The following STAU2 variants were observed in gnomAD, a reference collection of about 807,000 sequenced individuals.
The protein encoded by STAU2 is double-stranded RNA-binding protein Staufen homolog 2.
STAU2 carries 20 observed loss-of-function variants against 65.9 expected under a neutral mutation model. The observed-to-expected ratio is 0.30, with a 90% CI of 0.21 to 0.44. STAU2 has a LOEUF of 0.44. Ranked by LOEUF, STAU2 falls within the 20% of genes least tolerant of loss-of-function variation. STAU2 has a pLI of 1.00. For synonymous variants in STAU2, 232 were observed against 233.9 expected (o/e 0.99, Z 0.07); for missense variants, 558 against 683.9 (o/e 0.82, Z 2.05).
chr8:73,739,884 T>C lies in STAU2; in HGVS notation c.-196-16A>G. Reference sequence around the variant, plus strand: ...TAGGCAGCCTCTAACAAATAGAATATAGCAGAAATAATGAGATACCACTTC... The same window carrying C: ...TAGGCAGCCTCTAACAAATAGAATACAGCAGAAATAATGAGATACCACTTC... On this transcript the variant is annotated splice_polypyrimidine_tract_variant and intron_variant, in intron 1 of 14. Transcript: ENST00000524300. 1 of 892,218 alleles carries C rather than the reference T, an allele frequency of 1.1e-6. No homozygotes were observed. The highest frequency in any genetic ancestry group is 1.8e-6 in the Non-Finnish European group (1 of 563,470). 55.3% of individuals were successfully genotyped at this position (892,218 alleles called of 1,614,324 possible).
chr8:73,690,389 A>G (rs573870175), intron 4 of STAU2, among the ~76,000 whole-genome samples: 1 of 152,000 alleles, frequency 6.6e-6, no homozygotes, highest in East Asian at 1.9e-4. Context: ...AATACCATGC[A>G]TGATCCTTCA....
chr8:73,432,741 C>T (rs983163387), intron 13 of STAU2, among the ~76,000 whole-genome samples: 14 of 152,114 alleles, frequency 9.2e-5, no homozygotes, highest in African/African-American at 3.4e-4. Flanking sequence ...ACTTTTTATT[C>T]ATGCTTCCAC....
chr8:73,615,584 G>C, intron 8 of STAU2, 91 bp downstream of exon 8: 1 of 905,488 alleles, frequency 1.1e-6, no homozygotes, highest in South Asian at 1.5e-5. Context: ...ACTAACTCTT[G>C]CAGGATACTA....
intron 12 of STAU2, among the ~76,000 whole-genome samples, chr8:73,573,533 G>T (rs1201959172): frequency 1.3e-5 from 2 of 152,088 alleles, no homozygotes; most frequent in African/African-American, 2.4e-5. Context: ...CAAAACAGCA[G>T]CGTACTGGTA....
intron 6 of STAU2, 49 bp from the exon 7 acceptor site, chr8:73,617,500 T>TATA (rs776875551): frequency 6.6e-7 from 1 of 1,526,682 alleles, no homozygotes; most frequent in African/African-American, 1.4e-5. Flanking sequence ...AAAACCACTC[T>TATA]ATAATCATTC....
intron 6 of STAU2, among the ~76,000 whole-genome samples, chr8:73,672,612 C>T (rs553834917): frequency 6.6e-6 from 1 of 151,250 alleles, no homozygotes; most frequent in South Asian, 2.1e-4. Context: ...TATTTAAATG[C>T]AAAGAAAAAA....
intron 3 of STAU2, among the ~76,000 whole-genome samples, chr8:73,711,413 AT>A (rs1413165516): frequency 6.6e-6 from 1 of 152,144 alleles, no homozygotes; most frequent in Non-Finnish European, 1.5e-5. Context: ...CAAAAGCAGA[AT>A]AATTGGTTAA....
At chr8:73,506,281 G>A (rs1035319915) in intron 13 of STAU2, among the ~76,000 whole-genome samples, 3 of 152,048 alleles carry the variant, frequency 2.0e-5, no homozygotes, top group Non-Finnish European at 4.4e-5. Flanking sequence ...GCAGTGAGCC[G>A]TTGCTCCTAA....
intron 13 of STAU2, chr8:73,550,169 G>A: frequency 1.0e-6 from 1 of 985,202 alleles, no homozygotes; most frequent in South Asian, 4.7e-5. Context: ...AAAATCACCT[G>A]TTTATATTCA....
rs1359455688 is a variant in STAU2 at position 73,422,720 on chromosome 8, CAG to C, written c.1531-20_1531-19del. The C allele has an allele frequency of 7.1e-7, 1 of 1,407,358 alleles. No homozygotes were observed. Among genetic ancestry groups the C allele is most frequent in the Non-Finnish European group, 9.3e-7 (1 of 1,072,978 alleles). 87.2% of individuals were successfully genotyped at this position (1,407,358 alleles called of 1,614,324 possible). A position where few individuals can be genotyped will look rare whatever the true frequency, so the allele number is the denominator to read the frequency against. On this transcript the variant is annotated intron_variant, in intron 13 of 14. Transcript: ENST00000524300. ...AAGGCTGCCTAAAAATGAAAACAAA[CAG>C]AGAGAGCCATTCACTGACTCTAGTG...
At chr8:73,543,641 A>G (rs1806701730) in intron 13 of STAU2, among the ~76,000 whole-genome samples, 1 of 152,120 alleles carries the variant, frequency 6.6e-6, no homozygotes, top group African/African-American at 2.4e-5. Flanking sequence ...CCACACTACC[A>G]TTCTGATGTT....
chr8:73,495,606 C>G (rs1169771441), intron 13 of STAU2, among the ~76,000 whole-genome samples: 1 of 146,182 alleles, frequency 6.8e-6, no homozygotes, highest in Non-Finnish European at 1.5e-5. Context: ...CCACATTTAA[C>G]TATATGGTCC....
At chr8:73,745,420 T>C (rs1482553186) in intron 1 of STAU2, among the ~76,000 whole-genome samples, 1 of 152,148 alleles carries the variant, frequency 6.6e-6, no homozygotes, top group African/African-American at 2.4e-5. Context: ...GGGGAAGAAA[T>C]ATCCTGGAGA....
chr8:73,687,007 C>T (rs1291530087), intron 5 of STAU2, among the ~76,000 whole-genome samples: 4 of 149,938 alleles, frequency 2.7e-5, no homozygotes, highest in African/African-American at 9.8e-5. Context: ...ATTCTCCTGC[C>T]TCAACCTCCT....
intron 6 of STAU2, among the ~76,000 whole-genome samples, chr8:73,625,459 T>C (rs749341254): frequency 6.6e-6 from 1 of 152,186 alleles, no homozygotes; most frequent in Non-Finnish European, 1.5e-5. Context: ...CAAAAGAGTA[T>C]ATACTCTATG....
chr8:73,685,381 C>CT lies in STAU2; in HGVS notation c.274+3272dup, dbSNP rs1291568249. ...TGGTGAAAAGAAACACTTTTTTTTTCTTTTTTTTTTTTTTGAGATGGAGCC... is the reference window on the plus strand; with the variant it reads ...TGGTGAAAAGAAACACTTTTTTTTTCTTTTTTTTTTTTTTTGAGATGGAGCC... On this transcript the variant is annotated intron_variant, in intron 5 of 14. Transcript: ENST00000524300. 4.0e-3 allele frequency among the ~76,000 whole-genome samples: 556 copies of CT among 139,378 alleles called. 3 individuals are homozygous for CT. The highest frequency in any genetic ancestry group is 0.022 in the South Asian group (98 of 4,368). 91.4% of individuals were successfully genotyped at this position (139,378 alleles called of 152,430 possible).
At chr8:73,539,912 G>C (rs75095512) in intron 13 of STAU2, among the ~76,000 whole-genome samples, 13,325 of 150,742 alleles carry the variant, frequency 0.088, 1,121 homozygotes, top group East Asian at 0.45. Context: ...ACGCCTCAAG[G>C]AATCTGTGGG....
chr8:73,715,451 C>CA (rs35959123), intron 3 of STAU2, among the ~76,000 whole-genome samples: 70,209 of 123,574 alleles, frequency 0.57, 21,578 homozygotes, highest in Non-Finnish European at 0.7. Context: ...GTGAGACTGT[C>CA]AAAAAAAAAA....
chr8:73,635,057 C>T (rs1204929822), intron 6 of STAU2, among the ~76,000 whole-genome samples: 6 of 152,304 alleles, frequency 3.9e-5, no homozygotes, highest in African/African-American at 1.4e-4. Context: ...TATAAAGATA[C>T]ATTCTGCAAC....
Sources: gnomAD v4.1 joint callset for allele counts (sites outside exome capture counted in the v4.1 genomes callset) on GRCh38, gnomAD v4.1.1 for gene constraint, MANE v1.5 for transcripts, NCBI Gene and HGNC (gene_info 2026-07-23, HGNC 2026-07-21) for gene names.